The following LPAR6 variants were observed in gnomAD, a reference collection of about 807,000 sequenced individuals.
The protein encoded by LPAR6 is lysophosphatidic acid receptor 6.
LPAR6 carries 17 observed loss-of-function variants against 22.0 expected under a neutral mutation model. That is an observed-to-expected ratio of 0.77 (90% CI 0.53 to 1.16). LPAR6 has a LOEUF of 1.16. Among genes scored for constraint, LPAR6 ranks in the 50% most tolerant of loss-of-function variants. The pLI is 0.00. For synonymous variants in LPAR6, 136 were observed against 139.8 expected (o/e 0.97, Z 0.19); for missense variants, 384 against 406.9 (o/e 0.94, Z 0.48).
At chr13:48,404,776 C>T (rs768353470) in intron 1 of LPAR6, among the ~76,000 whole-genome samples, 3 of 151,990 alleles carry the variant, frequency 2.0e-5, no homozygotes, top group South Asian at 4.1e-4. Context: ...CCGCCTGCCT[C>T]GGCCTCCCAA....
chr13:48,444,592 G>C (rs930597645), exon 1 of LPAR6: 1 of 152,314 alleles, frequency 6.6e-6, no homozygotes, highest in Non-Finnish European at 1.5e-5. Context: ...TACAGATGAG[G>C]AGATGCGTAG....
chr13:48,435,649 A>G (rs1949175769), intron 1 of LPAR6, among the ~76,000 whole-genome samples: 2 of 152,066 alleles, frequency 1.3e-5, no homozygotes, highest in Admixed American at 1.3e-4. Context: ...GATCCTGAAG[A>G]TTTTCCCTTA....
At chr13:48,428,437 G>C (rs1288118784), upstream of LPAR6, among the ~76,000 whole-genome samples, 2 of 150,932 alleles carry the variant, frequency 1.3e-5, no homozygotes, top group African/African-American at 4.9e-5. Context: ...TTCAACACGA[G>C]TCATCTTCTA....
intron 2 of LPAR6, among the ~76,000 whole-genome samples, chr13:48,420,200 G>T (rs1948984382): frequency 6.6e-6 from 1 of 152,138 alleles, no homozygotes; most frequent in Admixed American, 6.5e-5. Flanking sequence ...AAACAAGTCG[G>T]CTTCATCCCT....
chr13:48,441,105 A>G (rs909698720), intron 1 of LPAR6, among the ~76,000 whole-genome samples: 1 of 152,198 alleles, frequency 6.6e-6, no homozygotes, highest in Non-Finnish European at 1.5e-5. Context: ...AACAACAGAA[A>G]TGTATTTCTC....
chr13:48,436,904 A>G (rs768175727), intron 1 of LPAR6, among the ~76,000 whole-genome samples: 14 of 152,174 alleles, frequency 9.2e-5, no homozygotes, highest in Non-Finnish European at 1.9e-4. Context: ...AAACAATAGC[A>G]ATTTCTGCCT....
Position 48,411,955 on chromosome 13 carries a change from T to G in LPAR6, c.469A>C (p.Thr157Pro). The G allele has an allele frequency of 6.2e-7, 1 of 1,612,546 alleles. No individual in the cohort carries two copies. The highest frequency in any genetic ancestry group is 1.1e-5 in the South Asian group (1 of 90,958). The change falls in exon 1 of 1, where the codon ACC becomes CCC. Residue 157 changes from threonine (T) to proline (P), a missense_variant. Thr to Pro is a conservative substitution (Grantham distance 38, BLOSUM62 -1). Coordinates refer to ENST00000620633, the MANE Select transcript of LPAR6 (RefSeq NM_001162498.3). ...GAGGCATTGTTACCCTGAGAGTGGG[T>G]AGACTGAACAAAAACGGCGGGTGCA... The part of the protein sequence containing the change: ...GSAPAVFVQS[T>P]HSQGNNASEA...
Position 48,412,750 on chromosome 13 carries a change from A to G in LPAR6, c.-327T>C, listed in dbSNP as rs1025852906. On this transcript the variant is annotated 5_prime_UTR_variant, in exon 1 of 1. Transcript: ENST00000620633. Reference sequence around the variant, plus strand: ...CCAACCCATAGGATTATAAATTTAAAGAAAAGCTGTGATCTGTGACCAGAA... The same window carrying G: ...CCAACCCATAGGATTATAAATTTAAGGAAAAGCTGTGATCTGTGACCAGAA... 2.3e-5 allele frequency: 8 copies of G among 354,928 alleles called. No homozygotes were observed. Among genetic ancestry groups the G allele is most frequent in the African/African-American group, 1.7e-4 (8 of 46,834 alleles). The allele number at this position is 354,928 out of a possible 1,614,324, so 22.0% of individuals were successfully genotyped here.
At chr13:48,442,206 AT>A (rs544475121) in intron 1 of LPAR6, among the ~76,000 whole-genome samples, 7,559 of 145,734 alleles carry the variant, frequency 0.052, 605 homozygotes, top group African/African-American at 0.17. Context: ...TATGAATTTT[AT>A]TTTTTTTTTT....
downstream of LPAR6, among the ~76,000 whole-genome samples, chr13:48,409,131 T>TG (rs1250306035): frequency 1.3e-5 from 2 of 151,374 alleles, no homozygotes; most frequent in Non-Finnish European, 2.9e-5. Flanking sequence ...ACTAGTTTTT[T>TG]GGGTTTTTTT....
chr13:48,437,426 A>G (rs1471642234), intron 1 of LPAR6, among the ~76,000 whole-genome samples: 1 of 152,250 alleles, frequency 6.6e-6, no homozygotes, highest in Non-Finnish European at 1.5e-5. Context: ...AACAACTAAC[A>G]TTTATTATCT....
intron 1 of LPAR6, among the ~76,000 whole-genome samples, chr13:48,396,298 T>TA (rs1948647828): frequency 6.6e-6 from 1 of 151,770 alleles, no homozygotes; most frequent in Admixed American, 6.6e-5. Context: ...CCAAAAAAGA[T>TA]AAATAAACCA....
intron 1 of LPAR6, chr13:48,423,920 C>A (rs1157187954): frequency 1.3e-5 from 2 of 152,402 alleles, no homozygotes; most frequent in Non-Finnish European, 2.9e-5. Context: ...GAGACACTGT[C>A]TCTTGAAGAA....
chr13:48,398,789 A>G (rs1487064405), intron 1 of LPAR6, among the ~76,000 whole-genome samples: 2 of 152,106 alleles, frequency 1.3e-5, no homozygotes, highest in African/African-American at 4.8e-5. Flanking sequence ...TAAAGGGAGC[A>G]ATACAAATAG....
chr13:48,409,123 T>C (rs1473758780), downstream of LPAR6, among the ~76,000 whole-genome samples: 2 of 151,436 alleles, frequency 1.3e-5, no homozygotes, highest in African/African-American at 4.8e-5. Flanking sequence ...GTATCTTCAC[T>C]AGTTTTTTGG....
upstream of LPAR6, chr13:48,429,172 G>T (rs1046598160): frequency 2.0e-4 from 31 of 152,120 alleles, no homozygotes; most frequent in African/African-American, 7.5e-4. Context: ...AACCAAGTTC[G>T]GTGCTTTGAA....
chr13:48,443,903 G>A (rs57394470), intron 1 of LPAR6, among the ~76,000 whole-genome samples: 2,758 of 152,118 alleles, frequency 0.018, 72 homozygotes, highest in African/African-American at 0.059. Context: ...TGATGTGTAG[G>A]AAAAAACTCT....
At chr13:48,408,036 A>G (rs1285084976), downstream of LPAR6, among the ~76,000 whole-genome samples, 1 of 152,156 alleles carries the variant, frequency 6.6e-6, no homozygotes, top group Non-Finnish European at 1.5e-5. Context: ...CAGATTCTTG[A>G]TAACTATGTA....
At chr13:48,400,997 A>T (rs1368846032) in intron 1 of LPAR6, among the ~76,000 whole-genome samples, 1 of 152,152 alleles carries the variant, frequency 6.6e-6, no homozygotes, top group African/African-American at 2.4e-5. Context: ...GGGAAAAGGC[A>T]TCATGGGACT....
Sources: gnomAD v4.1 joint callset for allele counts (sites outside exome capture counted in the v4.1 genomes callset) on GRCh38, gnomAD v4.1.1 for gene constraint, MANE v1.5 for transcripts, NCBI Gene and HGNC (gene_info 2026-07-23, HGNC 2026-07-21) for gene names.